MIA2: variants seen among roughly 807,000 people sequenced by gnomAD.
The protein encoded by MIA2 is MIA SH3 domain ER export factor 2.
Under a neutral mutation model 167.8 loss-of-function variants are expected in MIA2, and 127 were observed. That is an observed-to-expected ratio of 0.76 (90% CI 0.66 to 0.88). The LOEUF (loss-of-function observed/expected upper bound fraction) is 0.88. Ranked by LOEUF, MIA2 falls within the 40% of genes least tolerant of loss-of-function variation. The pLI is 0.00. For synonymous variants in MIA2, 552 were observed against 541.9 expected (o/e 1.02, Z -0.26); for missense variants, 1,690 against 1,624.7 (o/e 1.04, Z -0.69).
chr14:39,296,823 T>A (rs1342193934), intron 13 of MIA2, among the ~76,000 whole-genome samples: 1 of 151,836 alleles, frequency 6.6e-6, no homozygotes, highest in Non-Finnish European at 1.5e-5. Flanking sequence ...TTGATCAGGC[T>A]GGAGTTCAAT....
At chr14:39,283,645 C>T (rs2059249139) in intron 9 of MIA2, among the ~76,000 whole-genome samples, 1 of 152,042 alleles carries the variant, frequency 6.6e-6, no homozygotes, top group Non-Finnish European at 1.5e-5. Flanking sequence ...CCCTTTTCTC[C>T]ACACCTTCAC....
At chr14:39,302,380 G>GTCCT in intron 15 of MIA2, 131 bp downstream of exon 15, 3 of 1,023,734 alleles carry the variant, frequency 2.9e-6, no homozygotes, top group Non-Finnish European at 4.3e-6. Flanking sequence ...GTGACACACT[G>GTCCT]TCCTTTCTCA....
intron 23 of MIA2, chr14:39,386,479 C>CT (rs1354430002): frequency 1.5e-5 from 23 of 1,511,152 alleles, no homozygotes; most frequent in Non-Finnish European, 2.1e-5. Flanking sequence ...CTTTTACTGC[C>CT]TGTACTTCAG....
chr14:39,304,387 T>A lies in MIA2; in HGVS notation c.2878+6T>A. The A allele has an allele frequency of 6.8e-7, 1 of 1,471,350 alleles. No homozygotes were observed. The highest frequency in any genetic ancestry group is 2.4e-5 in the East Asian group (1 of 42,122). 91.1% of individuals were successfully genotyped at this position (1,471,350 alleles called of 1,614,324 possible). ...AACAAAGGAAGAGCTTACAGGTAGG[T>A]CATTGACATACATACTTTTAATGTT... is the stretch of plus-strand genomic sequence containing the variant. On this transcript the variant is annotated splice_donor_region_variant and intron_variant, in intron 17 of 28. Coordinates refer to ENST00000640607, the MANE Select transcript of MIA2 (RefSeq NM_001329214.4).
intron 21 of MIA2, among the ~76,000 whole-genome samples, chr14:39,317,292 C>A (rs1354575334): frequency 6.6e-6 from 1 of 152,090 alleles, no homozygotes; most frequent in Non-Finnish European, 1.5e-5. Context: ...GCTTGTCACA[C>A]GCTCCAGAGC....
intron 1 of MIA2, 117 bp from the exon 2 acceptor site, chr14:39,236,805 A>T: frequency 1.0e-6 from 1 of 982,128 alleles, no homozygotes; most frequent in Non-Finnish European, 1.5e-6. Context: ...GCCATAAATG[A>T]TATAAAGAAA....
intron 4 of MIA2, among the ~76,000 whole-genome samples, chr14:39,248,744 C>CTT (rs199592489): frequency 6.8e-6 from 1 of 146,980 alleles, no homozygotes; most frequent in Non-Finnish European, 1.5e-5. Context: ...CTAAGGGAAA[C>CTT]TTTTTTTTTT....
chr14:39,377,299 C>T (rs962626654), intron 23 of MIA2, among the ~76,000 whole-genome samples: 19 of 151,142 alleles, frequency 1.3e-4, no homozygotes, highest in African/African-American at 4.6e-4. Flanking sequence ...GAAGTCCATT[C>T]ATCAGTAGGC....
intron 21 of MIA2, among the ~76,000 whole-genome samples, chr14:39,317,402 G>GT: frequency 6.6e-6 from 1 of 152,114 alleles, no homozygotes; most frequent in East Asian, 1.9e-4. Flanking sequence ...AGTTTAACTT[G>GT]TTTTTTAGGG....
chr14:39,295,074 T>C (rs757901826), intron 13 of MIA2, 45 bp downstream of exon 13: 1 of 1,302,086 alleles, frequency 7.7e-7, no homozygotes, highest in East Asian at 2.3e-5. Flanking sequence ...TATGTAATTA[T>C]AGATGTTCTT....
At chr14:39,280,590 A>C (rs915258865) in intron 9 of MIA2, among the ~76,000 whole-genome samples, 4 of 152,082 alleles carry the variant, frequency 2.6e-5, no homozygotes, top group African/African-American at 9.6e-5. Flanking sequence ...AAAATTAGCC[A>C]AGTGTGGTGG....
rs1275133345 is a variant in MIA2, at chr14:39,247,264, A to T, written c.690A>T (p.Gly230=). 1 of 1,614,020 alleles carries T rather than the reference A, an allele frequency of 6.2e-7. No individual in the cohort carries two copies. Among genetic ancestry groups the T allele is most frequent in the Non-Finnish European group, 8.5e-7 (1 of 1,179,974 alleles). The change falls in exon 4 of 29, where the codon GGA becomes GGT. Residue 230 remains glycine, a synonymous_variant. Coordinates refer to ENST00000640607, the MANE Select transcript of MIA2 (RefSeq NM_001329214.4). The stretch of plus-strand genomic sequence containing the variant: ...GAGTCAAAGAATGGTTTGGATTGGG[A>T]GGAGAACAAGCTGAAGAGAAGGCTT... The part of the protein sequence containing the change: ...VSGVKEWFGL[G]GEQAEEKAFE...
chr14:39,325,418 T>A (rs56126634), intron 24 of MIA2, among the ~76,000 whole-genome samples: 28,624 of 146,372 alleles, frequency 0.2, 2,850 homozygotes, highest in Middle Eastern at 0.27. Flanking sequence ...CCCAGACTGG[T>A]GTGCAGTGGC....
Position 39,299,495 on chromosome 14 carries a change from C to T in MIA2, c.2497-369C>T, listed in dbSNP as rs140940646. The stretch of plus-strand genomic sequence containing the variant: ...GCTAATTTTTGTGTTTTAGTAGAGA[C>T]GAGGTTTCACCATGTTGGCCAGGAT... On this transcript the variant is annotated intron_variant, in intron 13 of 28. Coordinates refer to ENST00000640607, the MANE Select transcript of MIA2 (RefSeq NM_001329214.4). Among the ~76,000 whole-genome samples, 28 of 151,494 alleles carry T rather than the reference C, an allele frequency of 1.8e-4. No individual in the cohort carries two copies. The East Asian group carries it at 3.3e-3, about 18-fold the overall frequency.
chr14:39,355,515 T>C (rs981032864), downstream of MIA2, among the ~76,000 whole-genome samples: 4 of 152,160 alleles, frequency 2.6e-5, no homozygotes, highest in African/African-American at 9.7e-5. Flanking sequence ...CAATTTGACT[T>C]CCTCTTTTCC....
At chr14:39,347,434 A>T in intron 26 of MIA2, 1 of 386,092 alleles carries the variant, frequency 2.6e-6, no homozygotes, top group Middle Eastern at 6.8e-4. Context: ...GGAAGGAGGG[A>T]GATGCTTCCT....
At chr14:39,344,263 T>C (rs148824890) in intron 25 of MIA2, among the ~76,000 whole-genome samples, 79 of 152,338 alleles carry the variant, frequency 5.2e-4, no homozygotes, top group African/African-American at 1.8e-3. Context: ...ATGTAGTATC[T>C]GGAGACCTGA....
At chr14:39,280,741 A>C (rs1307351097) in intron 9 of MIA2, among the ~76,000 whole-genome samples, 1 of 151,892 alleles carries the variant, frequency 6.6e-6, no homozygotes, top group East Asian at 1.9e-4. Flanking sequence ...CAAAACAAAC[A>C]AACAAACAAA....
chr14:39,341,766 T>G (rs535327341), intron 25 of MIA2, among the ~76,000 whole-genome samples: 11 of 152,324 alleles, frequency 7.2e-5, no homozygotes, highest in South Asian at 6.2e-4. Flanking sequence ...CAGTTTGAAA[T>G]TTATGGTCAT....
Sources: gnomAD v4.1 joint callset for allele counts (sites outside exome capture counted in the v4.1 genomes callset) on GRCh38, gnomAD v4.1.1 for gene constraint, MANE v1.5 for transcripts, NCBI Gene and HGNC (gene_info 2026-07-23, HGNC 2026-07-21) for gene names.